Variants in HIPK2 observed in about 807,000 individuals in gnomAD.
HIPK2 encodes the protein homeodomain-interacting protein kinase 2.
In HIPK2, 27 loss-of-function variants were observed where a neutral mutation model predicts 113.7. That is an observed-to-expected ratio of 0.24 (90% CI 0.17 to 0.33). The LOEUF (loss-of-function observed/expected upper bound fraction) is 0.33. Ranked by LOEUF, HIPK2 falls within the 10% of genes least tolerant of loss-of-function variation. HIPK2 has a pLI of 1.00. For synonymous variants in HIPK2, 631 were observed against 642.2 expected, an observed-to-expected ratio of 0.98 and a Z score of 0.26; for missense variants, 1,257 against 1,588.0, an observed-to-expected ratio of 0.79 and a Z score of 3.54.
chr7:139,761,965 C>T (rs893773292), intron 1 of HIPK2, among the ~76,000 whole-genome samples: 1 of 152,010 alleles, frequency 6.6e-6, no homozygotes, highest in Non-Finnish European at 1.5e-5. Context: ...GAGAGACTAA[C>T]TGTGTGTATG....
At chr7:139,671,789 C>T (rs1461928622) in intron 2 of HIPK2, among the ~76,000 whole-genome samples, 1 of 152,300 alleles carries the variant, frequency 6.6e-6, no homozygotes, top group East Asian at 1.9e-4. Context: ...CTCAGGTGAT[C>T]TGCCTGCCTC....
chr7:139,762,544 T>G (rs1288257288), intron 1 of HIPK2, among the ~76,000 whole-genome samples: 1 of 152,202 alleles, frequency 6.6e-6, no homozygotes, highest in Non-Finnish European at 1.5e-5. Context: ...AATCACCCTT[T>G]GACAATACGG....
rs576329897 is a variant in HIPK2, at chr7:139,595,334, C to T, written c.2717+1383G>A. On this transcript the variant is annotated intron_variant, in intron 12 of 14. Coordinates refer to ENST00000406875, the MANE Select transcript of HIPK2 (RefSeq NM_022740.5). ...CTGCTGAGCCCACGTGAGGACTGAACCGACAGTATTCCTGGGTGGTGGTGT... is the reference window on the plus strand; with the variant it reads ...CTGCTGAGCCCACGTGAGGACTGAATCGACAGTATTCCTGGGTGGTGGTGT... Among the ~76,000 whole-genome samples the T allele has an allele frequency of 3.9e-5, 6 of 152,256 alleles. No homozygotes were observed. The East Asian group carries it at 9.7e-4, about 25-fold the overall frequency.
At chr7:139,642,675 T>C (rs1801068077) in intron 2 of HIPK2, among the ~76,000 whole-genome samples, 1 of 151,792 alleles carries the variant, frequency 6.6e-6, no homozygotes, top group African/African-American at 2.4e-5. Flanking sequence ...AAACAGGAGA[T>C]CAAAGAGAAA....
intron 2 of HIPK2, among the ~76,000 whole-genome samples, chr7:139,679,795 C>T (rs1294469158): frequency 6.6e-6 from 1 of 151,924 alleles, no homozygotes; most frequent in African/African-American, 2.4e-5. Context: ...TGCTGCAGAG[C>T]CAAATAAAAA....
In HIPK2 at chr7:139,570,021, C is replaced by T. The variant is rs559160514; in HGVS notation, c.*2906G>A. The T allele has an allele frequency of 3.9e-5, 6 of 152,202 alleles. No individual in the cohort carries two copies. In the East Asian group the frequency reaches 1.2e-3, roughly 29 times the overall value. The allele number at this position is 152,202 out of a possible 1,614,324, so 9.4% of individuals were successfully genotyped here. ...AATGTCAGGTGAAAGAGTAAGTAGCCTCCAACTTAAGCAGACAGAATAATT... is the reference window on the plus strand; with the variant it reads ...AATGTCAGGTGAAAGAGTAAGTAGCTTCCAACTTAAGCAGACAGAATAATT... On this transcript the variant is annotated 3_prime_UTR_variant, in exon 15 of 15. Coordinates refer to ENST00000406875, the MANE Select transcript of HIPK2 (RefSeq NM_022740.5).
chr7:139,652,838 G>A (rs773913312), intron 2 of HIPK2, among the ~76,000 whole-genome samples: 93 of 152,034 alleles, frequency 6.1e-4, no homozygotes, highest in Non-Finnish European at 1.2e-3. Flanking sequence ...ACAGAGGCAG[G>A]AAAACACAAA....
At chr7:139,701,186 T>C (rs1794696280) in intron 2 of HIPK2, among the ~76,000 whole-genome samples, 1 of 152,186 alleles carries the variant, frequency 6.6e-6, no homozygotes, top group African/African-American at 2.4e-5. Flanking sequence ...TTCTCCTCTT[T>C]GTGCCCAGTG....
intron 2 of HIPK2, among the ~76,000 whole-genome samples, chr7:139,688,691 T>C (rs1221944270): frequency 1.3e-5 from 2 of 152,222 alleles, no homozygotes; most frequent in African/African-American, 2.4e-5. Flanking sequence ...ATCAATCATA[T>C]GCCTCAATTG....
At chr7:139,589,133 C>A (rs1469202250) in intron 12 of HIPK2, among the ~76,000 whole-genome samples, 2 of 152,182 alleles carry the variant, frequency 1.3e-5, no homozygotes, top group African/African-American at 2.4e-5. Flanking sequence ...ACTGGTGTGG[C>A]TCTGGACAGT....
chr7:139,580,551 T>G (rs1429871464), intron 13 of HIPK2, among the ~76,000 whole-genome samples: 2 of 152,208 alleles, frequency 1.3e-5, no homozygotes, highest in African/African-American at 4.8e-5. Flanking sequence ...TTTCCAGTCA[T>G]GCCTTGTCCA....
At chr7:139,601,506 A>G (rs1361726227) in intron 10 of HIPK2, among the ~76,000 whole-genome samples, 1 of 152,262 alleles carries the variant, frequency 6.6e-6, no homozygotes, top group Non-Finnish European at 1.5e-5. Flanking sequence ...ATGCTCAGGC[A>G]TATAGCAGCT....
intron 9 of HIPK2, among the ~76,000 whole-genome samples, chr7:139,612,289 C>A (rs978261416): frequency 2.6e-5 from 4 of 152,182 alleles, no homozygotes; most frequent in South Asian, 2.1e-4. Flanking sequence ...TTGGGAAAAG[C>A]CTTTGTGAAC....
chr7:139,681,428 C>T (rs552892439), intron 2 of HIPK2, among the ~76,000 whole-genome samples: 19 of 152,240 alleles, frequency 1.2e-4, no homozygotes, highest in Non-Finnish European at 2.5e-4. Context: ...CACCTGGCAC[C>T]TCCACATTTA....
intron 10 of HIPK2, 125 bp downstream of exon 10, chr7:139,603,956 G>A (rs1190596357): frequency 1.4e-5 from 18 of 1,282,412 alleles, no homozygotes; most frequent in Non-Finnish European, 1.7e-5. Context: ...ATTTTTAGAA[G>A]CTTTAAAAAG....
At position 139,613,523 on chromosome 7, in the gene HIPK2, T is replaced by C. The variant is rs775460460; in HGVS notation, c.1991-200A>G. ...AAAAAACAAAACTCCTCCTGAAATC[T>C]TGAATGTCTTCAAAGGCTAGAAGGT... On this transcript the variant is annotated intron_variant, in intron 8 of 14. Transcript: ENST00000406875. This position sits in a 1 kb window ranked among gnomAD's most constrained non-coding sequence, Gnocchi z 4.2. 2.0e-5 allele frequency: 4 copies of C among 202,868 alleles called. No individual in the cohort carries two copies. Among genetic ancestry groups the C allele is most frequent in the African/African-American group, 4.7e-5 (2 of 42,296 alleles). The allele number at this position is 202,868 out of a possible 1,614,324, so 12.6% of individuals were successfully genotyped here. A position where few individuals can be genotyped will look rare whatever the true frequency, so the allele number is the denominator to read the frequency against.
Position 139,631,076 on chromosome 7 carries a change from C to T in HIPK2, c.1347+89G>A. ...ACCCCCAGTGCCCTCATTTTGCTGA[C>T]TGAATCAAAAGCTCCCCACTAATGG... On this transcript the variant is annotated intron_variant, in intron 4 of 14. Coordinates refer to ENST00000406875, the MANE Select transcript of HIPK2 (RefSeq NM_022740.5). This position sits in a 1 kb window ranked among gnomAD's most constrained non-coding sequence, Gnocchi z 4.9. 7 of 1,488,310 alleles carry T rather than the reference C, an allele frequency of 4.7e-6. No homozygotes were observed. The highest frequency in any genetic ancestry group is 6.3e-6 in the Non-Finnish European group (7 of 1,114,006). 92.2% of individuals were successfully genotyped at this position (1,488,310 alleles called of 1,614,324 possible). A position where few individuals can be genotyped will look rare whatever the true frequency, so the allele number is the denominator to read the frequency against.
chr7:139,574,994 C>G, intron 14 of HIPK2, 134 bp downstream of exon 14: 1 of 1,201,666 alleles, frequency 8.3e-7, no homozygotes, highest in Non-Finnish European at 1.1e-6. Context: ...TCACCAAGGG[C>G]ATGTGCTGCC....
intron 2 of HIPK2, among the ~76,000 whole-genome samples, chr7:139,693,608 T>C (rs1190946356): frequency 6.6e-6 from 1 of 152,194 alleles, no homozygotes; most frequent in Non-Finnish European, 1.5e-5. Context: ...TGTAGGCCTC[T>C]GGCCTTTAGC....
Sources: gnomAD v4.1 joint callset for allele counts (sites outside exome capture counted in the v4.1 genomes callset) on GRCh38, gnomAD v4.1.1 for gene constraint, Gnocchi (gnomAD v3.1) non-coding constraint, MANE v1.5 for transcripts, NCBI Gene and HGNC (gene_info 2026-07-23, HGNC 2026-07-21) for gene names.